DLC1: variants seen among roughly 807,000 people sequenced by gnomAD.
DLC1 encodes the protein rho GTPase-activating protein 7.
DLC1 carries 54 observed loss-of-function variants against 140.3 expected under a neutral mutation model. The observed-to-expected ratio is 0.38, with a 90% CI of 0.31 to 0.48. The LOEUF is 0.48. Ranked by LOEUF, DLC1 falls within the 20% of genes least tolerant of loss-of-function variation. The pLI, the probability that DLC1 is intolerant of heterozygous loss-of-function variation, is 0.96. For missense variants in DLC1, 2,536 were observed against 1,907.0 expected (o/e 1.33, Z -6.14); for synonymous variants, 986 against 728.1 (o/e 1.35, Z -5.70).
At chr8:13,258,469 C>T (rs972843760) in intron 5 of DLC1, among the ~76,000 whole-genome samples, 1 of 152,148 alleles carries the variant, frequency 6.6e-6, no homozygotes, top group Non-Finnish European at 1.5e-5. Flanking sequence ...ATAATATCTG[C>T]TTCCTGATTT....
At chr8:13,175,201 T>C (rs1252334878) in intron 5 of DLC1, among the ~76,000 whole-genome samples, 1 of 152,146 alleles carries the variant, frequency 6.6e-6, no homozygotes, top group East Asian at 1.9e-4. Context: ...GGTTCTCTAT[T>C]ATGTTCCATT....
At position 13,319,484 on chromosome 8, in the gene DLC1, G is replaced by T. The variant is rs1031694952; in HGVS notation, c.1315-14182C>A. ...GGCCTGCTGGCGGGGCGGGGGGGGG[G>T]GGTGGATTTCCCCCTTGCTGTTCTC... is the stretch of plus-strand genomic sequence containing the variant. On this transcript the variant is annotated intron_variant, in intron 4 of 17. Coordinates refer to ENST00000276297, the MANE Select transcript of DLC1 (RefSeq NM_182643.3). Among the ~76,000 whole-genome samples, 11 of 111,064 alleles carry T rather than the reference G, an allele frequency of 9.9e-5. 1 individual carries two copies. The highest frequency in any genetic ancestry group is 7.6e-4 in the Admixed American group (7 of 9,266). 72.9% of individuals were successfully genotyped at this position (111,064 alleles called of 152,430 possible). A position where few individuals can be genotyped will look rare whatever the true frequency, so the allele number is the denominator to read the frequency against.
rs559288475 is a variant in DLC1 at position 13,413,432 on chromosome 8, CACAT to C, written c.1024-11817_1024-11814del. On this transcript the variant is annotated intron_variant, in intron 2 of 17. Coordinates refer to ENST00000276297, the MANE Select transcript of DLC1 (RefSeq NM_182643.3). The stretch of plus-strand genomic sequence containing the variant: ...TTTCTCTCTCTCTCTCCTACACACA[CACAT>C]ACACGAGCACACATACAGACACATC... 1.1e-4 allele frequency among the ~76,000 whole-genome samples: 16 copies of C among 151,832 alleles called. No individual in the cohort carries two copies. The South Asian group carries it at 3.3e-3, about 32-fold the overall frequency.
At chr8:13,276,503 G>A (rs1029509660) in intron 5 of DLC1, 77 of 1,309,932 alleles carry the variant, frequency 5.9e-5, no homozygotes, top group Non-Finnish European at 7.3e-5. Context: ...GCCTTCAGGA[G>A]GCCGGCATTG....
chr8:13,570,264 A>G (rs1466298001), intron 1 of DLC1, among the ~76,000 whole-genome samples: 1 of 147,830 alleles, frequency 6.8e-6, no homozygotes, highest in Non-Finnish European at 1.5e-5. Context: ...TATGGTTTCT[A>G]TGTGCACATT....
chr8:13,454,333 G>C (rs62492211), intron 2 of DLC1, among the ~76,000 whole-genome samples: 1 of 151,012 alleles, frequency 6.6e-6, no homozygotes, highest in African/African-American at 2.4e-5. Context: ...ACATCTCTTA[G>C]GGGAAAAAAA....
intron 5 of DLC1, among the ~76,000 whole-genome samples, chr8:13,237,779 C>G (rs1292562849): frequency 6.6e-6 from 1 of 152,050 alleles, no homozygotes; most frequent in Admixed American, 6.6e-5. Flanking sequence ...GCTTTTCTGA[C>G]CACACTGTGG....
At chr8:13,394,758 T>C (rs993272021) in intron 3 of DLC1, among the ~76,000 whole-genome samples, 21 of 152,184 alleles carry the variant, frequency 1.4e-4, no homozygotes, top group African/African-American at 4.6e-4. Context: ...TCCTACCTCC[T>C]CTTGATAATT....
intron 5 of DLC1, among the ~76,000 whole-genome samples, chr8:13,145,528 G>A (rs914534200): frequency 2.0e-5 from 3 of 152,152 alleles, no homozygotes; most frequent in Admixed American, 6.5e-5. Flanking sequence ...TACTCTAAGG[G>A]ATGTACTAGG....
In DLC1 at chr8:13,499,746, T is replaced by C; in HGVS notation, c.326A>G (p.His109Arg). 1 of 1,614,130 alleles carries C rather than the reference T, an allele frequency of 6.2e-7. No individual in the cohort carries two copies. Among genetic ancestry groups the C allele is most frequent in the Non-Finnish European group, 8.5e-7 (1 of 1,179,990 alleles). The change falls in exon 2 of 18, where the codon CAT (histidine) becomes CGT (arginine). Residue 109 changes from histidine to arginine, a missense_variant. Physicochemically the swap from His to Arg is conservative, Grantham distance 29 (BLOSUM62 0). Coordinates refer to ENST00000276297, the MANE Select transcript of DLC1 (RefSeq NM_182643.3). ...SLEASTETLVHVSDEDNNADL... is the reference protein window; with the variant it reads ...SLEASTETLVRVSDEDNNADL... ...AGCATTGTTATCCTCATCAGAAACA[T>C]GCACTAGTGTTTCTGTGCTGGCTTC...
chr8:13,292,231 C>T (rs1293005847), intron 5 of DLC1, among the ~76,000 whole-genome samples: 1 of 152,014 alleles, frequency 6.6e-6, no homozygotes, highest in Admixed American at 6.6e-5. Context: ...AATGTGTCTC[C>T]ACCCCACAGT....
At chr8:13,582,602 G>A (rs887076123) in intron 1 of DLC1, among the ~76,000 whole-genome samples, 3 of 151,892 alleles carry the variant, frequency 2.0e-5, no homozygotes, top group Non-Finnish European at 2.9e-5. Flanking sequence ...TTTAGAACTC[G>A]AACTGCTTCT....
At chr8:13,510,309 G>T (rs1205830596) in intron 1 of DLC1, among the ~76,000 whole-genome samples, 1 of 151,944 alleles carries the variant, frequency 6.6e-6, no homozygotes, top group African/African-American at 2.4e-5. Context: ...GAGCAGCTGG[G>T]ATTACAGGTG....
chr8:13,165,872 G>T (rs1158706238), intron 5 of DLC1, among the ~76,000 whole-genome samples: 5 of 152,252 alleles, frequency 3.3e-5, no homozygotes, highest in African/African-American at 1.2e-4. Flanking sequence ...TCTCTGGATC[G>T]TGTCACTCAG....
At chr8:13,362,083 C>A (rs1013878196) in intron 4 of DLC1, among the ~76,000 whole-genome samples, 13 of 152,206 alleles carry the variant, frequency 8.5e-5, no homozygotes, top group African/African-American at 3.1e-4. Flanking sequence ...CAGCCTCAGG[C>A]TCTGAAGGAG....
At chr8:13,223,396 A>G (rs1038626041) in intron 5 of DLC1, among the ~76,000 whole-genome samples, 8 of 152,200 alleles carry the variant, frequency 5.3e-5, no homozygotes, top group Non-Finnish European at 8.8e-5. Flanking sequence ...AAATAATACA[A>G]TAATCTGTTT....
Position 13,133,295 on chromosome 8 carries a change from C to G in DLC1, c.1349-17638G>C, listed in dbSNP as rs1020751534. On this transcript the variant is annotated intron_variant, in intron 5 of 17. Transcript: ENST00000276297. ...TCGGGCAGTCGGAGCGAACTGTCTC[C>G]CGCGCGCTCCGCCAGCCGGGCCCTC... The G allele has an allele frequency of 6.6e-4, 833 of 1,261,834 alleles. 3 individuals are homozygous for G. The highest frequency in any genetic ancestry group is 8.1e-4 in the Non-Finnish European group (809 of 1,002,930). The allele number at this position is 1,261,834 out of a possible 1,614,324, so 78.2% of individuals were successfully genotyped here.
intron 5 of DLC1, among the ~76,000 whole-genome samples, chr8:13,266,231 G>A (rs896782630): frequency 1.3e-5 from 2 of 152,186 alleles, no homozygotes; most frequent in African/African-American, 4.8e-5. Context: ...AATTTCCAGT[G>A]TTAGTGCCAT....
intron 4 of DLC1, among the ~76,000 whole-genome samples, chr8:13,365,252 C>T (rs1208765416): frequency 6.6e-6 from 1 of 152,104 alleles, no homozygotes; most frequent in East Asian, 1.9e-4. Flanking sequence ...TTATATCTAT[C>T]CTTTAGAACA....
Sources: allele counts gnomAD v4.1 joint callset (sites outside exome capture counted in the v4.1 genomes callset), GRCh38; gene constraint gnomAD v4.1.1; transcripts MANE v1.5; gene names NCBI Gene and HGNC (gene_info 2026-07-23, HGNC 2026-07-21).